EXOC4: variants seen among roughly 807,000 people sequenced by gnomAD.
EXOC4 encodes exocyst complex component 4, also known as SEC8-like 1.
In EXOC4, 71 loss-of-function variants were observed where a neutral mutation model predicts 107.2. That is an observed-to-expected ratio of 0.66 (90% CI 0.55 to 0.81). The LOEUF is 0.81. EXOC4 is among the 30% of genes least tolerant of loss of function. The pLI, the probability that EXOC4 is intolerant of heterozygous loss-of-function variation, is 0.00. For synonymous variants in EXOC4, 456 were observed against 441.2 expected (o/e 1.03, Z -0.42); for missense variants, 1,108 against 1,189.6 (o/e 0.93, Z 1.01).
chr7:133,976,182 A>G (rs2116894789), intron 14 of EXOC4, among the ~76,000 whole-genome samples: 1 of 152,348 alleles, frequency 6.6e-6, no homozygotes, highest in East Asian at 1.9e-4. Context: ...GTTTAGGCAC[A>G]AAGAGAACAT....
chr7:133,433,166 CAAAT>C (rs954911049), intron 7 of EXOC4, among the ~76,000 whole-genome samples: 11 of 152,112 alleles, frequency 7.2e-5, no homozygotes, highest in African/African-American at 2.7e-4. Flanking sequence ...ATGTGGTAAA[CAAAT>C]AACCTCTAGC....
intron 17 of EXOC4, among the ~76,000 whole-genome samples, chr7:134,045,245 G>A (rs1035024553): frequency 2.6e-5 from 4 of 152,022 alleles, no homozygotes; most frequent in Admixed American, 6.6e-5. Flanking sequence ...TATATTTCTC[G>A]TAAGGGTTAC....
intron 10 of EXOC4, among the ~76,000 whole-genome samples, chr7:133,683,851 T>G (rs1794238988): frequency 6.6e-6 from 1 of 152,128 alleles, no homozygotes; most frequent in Admixed American, 6.6e-5. Flanking sequence ...AGCTGGTAAA[T>G]ATCTTTACTA....
Position 133,592,751 on chromosome 7 carries a change from C to CA in EXOC4, c.1418-37293dup, listed in dbSNP as rs545796131. On this transcript the variant is annotated intron_variant, in intron 9 of 17. Transcript: ENST00000253861. Reference sequence around the variant, plus strand: ...CCGAGTAGCTGGGATTACAGCCACGCACCACCATGCCCAGCTAATTTTTGT... The same window carrying CA: ...CCGAGTAGCTGGGATTACAGCCACGCAACCACCATGCCCAGCTAATTTTTGT... Among the ~76,000 whole-genome samples the CA allele has an allele frequency of 3.3e-5, 5 of 152,302 alleles. No homozygotes were observed. In the East Asian group the frequency reaches 9.7e-4, roughly 29 times the overall value.
chr7:133,762,049 A>T (rs2151152392), intron 10 of EXOC4, among the ~76,000 whole-genome samples: 1 of 152,292 alleles, frequency 6.6e-6, no homozygotes, highest in South Asian at 2.1e-4. Context: ...AAATGTTTAA[A>T]TGTTTAAATG....
chr7:133,770,731 A>T (rs1796228335), intron 10 of EXOC4, among the ~76,000 whole-genome samples: 1 of 151,962 alleles, frequency 6.6e-6, no homozygotes, highest in Non-Finnish European at 1.5e-5. Flanking sequence ...TGAAATTTTT[A>T]AAATATGTAG....
chr7:133,928,894 T>A (rs2116688582), intron 13 of EXOC4, among the ~76,000 whole-genome samples: 1 of 145,736 alleles, frequency 6.9e-6, no homozygotes, highest in African/African-American at 2.5e-5. Context: ...GGTGAAAAAC[T>A]ACTGGAAGAA....
chr7:133,404,987 T>A (rs554331216), intron 7 of EXOC4, among the ~76,000 whole-genome samples: 1 of 150,490 alleles, frequency 6.6e-6, no homozygotes, highest in Non-Finnish European at 1.5e-5. Context: ...AGAGGGAGGA[T>A]CCCTTGAGCT....
chr7:133,508,106 C>T (rs1237472326), intron 9 of EXOC4, among the ~76,000 whole-genome samples: 1 of 151,916 alleles, frequency 6.6e-6, no homozygotes, highest in Admixed American at 6.6e-5. Context: ...AACAAATACA[C>T]AGATTTTTTT....
At position 133,423,217 on chromosome 7, in the gene EXOC4, C is replaced by T. The variant is rs1441536005; in HGVS notation, c.1182+48215C>T. On this transcript the variant is annotated intron_variant, in intron 7 of 17. Transcript: ENST00000253861. Reference sequence around the variant, plus strand: ...GTCCAGCCTGGGCGACAGAGCGAGACTCCGTCTCCAAAAAAAAAAAAAAAA... The same window carrying T: ...GTCCAGCCTGGGCGACAGAGCGAGATTCCGTCTCCAAAAAAAAAAAAAAAA... Among the ~76,000 whole-genome samples the T allele has an allele frequency of 1.6e-3, 81 of 50,866 alleles. 27 individuals are homozygous for T. The highest frequency in any genetic ancestry group is 0.01 in the African/African-American group (75 of 7,202). 33.4% of individuals were successfully genotyped at this position (50,866 alleles called of 152,430 possible).
chr7:133,900,031 T>G (rs1203326297), intron 12 of EXOC4, among the ~76,000 whole-genome samples: 1 of 152,092 alleles, frequency 6.6e-6, no homozygotes, highest in East Asian at 1.9e-4. Flanking sequence ...CCAGATGCAC[T>G]CTGGGTGTTG....
chr7:133,672,799 C>T (rs977116721), intron 10 of EXOC4, among the ~76,000 whole-genome samples: 3 of 152,186 alleles, frequency 2.0e-5, no homozygotes, highest in Non-Finnish European at 4.4e-5. Context: ...CTGTTCATCA[C>T]CTTCATTATA....
At chr7:133,587,796 A>G (rs1286860904) in intron 9 of EXOC4, among the ~76,000 whole-genome samples, 2 of 152,230 alleles carry the variant, frequency 1.3e-5, no homozygotes, top group Admixed American at 6.5e-5. Context: ...TATCCAGAGA[A>G]GAGTTAAATT....
chr7:133,818,286 A>T (rs190570734), intron 11 of EXOC4, among the ~76,000 whole-genome samples: 296 of 152,274 alleles, frequency 1.9e-3, no homozygotes, highest in Admixed American at 4.9e-3. Flanking sequence ...TCTTCATTTA[A>T]GAGTAGGATG....
At chr7:134,053,154 C>T (rs767860596) in intron 17 of EXOC4, among the ~76,000 whole-genome samples, 3 of 151,338 alleles carry the variant, frequency 2.0e-5, no homozygotes, top group Non-Finnish European at 4.4e-5. Flanking sequence ...TAGAGAATGG[C>T]GTGAACCCGG....
chr7:133,581,836 C>G (rs890335086), intron 9 of EXOC4, among the ~76,000 whole-genome samples: 3 of 151,220 alleles, frequency 2.0e-5, no homozygotes, highest in Non-Finnish European at 4.4e-5. Context: ...ACTCACAGTT[C>G]TGCATGGCTG....
At chr7:134,043,029 A>C (rs1795557065) in intron 17 of EXOC4, among the ~76,000 whole-genome samples, 1 of 152,192 alleles carries the variant, frequency 6.6e-6, no homozygotes, top group South Asian at 2.1e-4. Flanking sequence ...TGACAGATTA[A>C]GACTCCGTCT....
At chr7:133,337,757 C>T (rs1795553464) in intron 5 of EXOC4, among the ~76,000 whole-genome samples, 1 of 150,842 alleles carries the variant, frequency 6.6e-6, no homozygotes, top group Admixed American at 6.6e-5. Context: ...CCTCAGCCTC[C>T]CAAGTAGCTG....
intron 9 of EXOC4, among the ~76,000 whole-genome samples, chr7:133,492,146 A>G (rs913678481): frequency 2.0e-5 from 3 of 152,140 alleles, no homozygotes; most frequent in South Asian, 2.1e-4. Flanking sequence ...TGGAGAATGA[A>G]TTGAGTGGAA....
Sources: gnomAD v4.1 joint callset for allele counts (sites outside exome capture counted in the v4.1 genomes callset) on GRCh38, gnomAD v4.1.1 for gene constraint, MANE v1.5 for transcripts, NCBI Gene and HGNC (gene_info 2026-07-23, HGNC 2026-07-21) for gene names.